Variants in DMD observed in about 807,000 individuals in gnomAD.
The protein encoded by DMD is dystrophin.
DMD carries 63 observed loss-of-function variants against 330.1 expected under a neutral mutation model. The ratio of observed to expected loss-of-function variants is 0.19; its 90% CI spans 0.16 to 0.24. The LOEUF (loss-of-function observed/expected upper bound fraction) is 0.24. Among genes scored for constraint, DMD ranks in the 10% least tolerant of loss-of-function variants. The probability of loss-of-function intolerance (pLI) is 1.00; values close to 1 mark genes in which losing one functional copy is unlikely to be tolerated. For synonymous variants in DMD, 1,223 were observed against 959.8 expected (o/e 1.27, Z -5.07); for missense variants, 3,344 against 2,684.1 (o/e 1.25, Z -5.43).
intron 11 of DMD, among the ~76,000 whole-genome samples, chrX:32,621,527 T>C (rs1295574643): frequency 1.8e-5 from 2 of 109,683 alleles, no homozygotes; most frequent in African/African-American, 3.3e-5. Flanking sequence ...TCTCATTATG[T>C]TGCCCAGGCT....
chrX:32,459,612 T>C (rs2098375917), intron 25 of DMD, among the ~76,000 whole-genome samples: 1 of 111,363 alleles, frequency 9.0e-6, no homozygotes, highest in Non-Finnish European at 1.9e-5. Flanking sequence ...AGCTATTCCA[T>C]TTTGTTCTTC....
At chrX:33,010,192 A>G (rs1202924714) in intron 2 of DMD, among the ~76,000 whole-genome samples, 3 of 106,242 alleles carry the variant, frequency 2.8e-5, no homozygotes, top group Non-Finnish European at 5.8e-5. Context: ...TTGTGTATGT[A>G]TATATGCATA....
rs1557061629 is a variant in DMD, at chrX:32,827,065, C to CACACACA, written c.265-3679_265-3678insTGTGTGT. 8.4e-3 allele frequency among the ~76,000 whole-genome samples: 579 copies of CACACACA among 68,969 alleles called. 11 individuals carry two copies. The highest frequency in any genetic ancestry group is 0.011 in the Non-Finnish European group (438 of 38,183). The allele number at this position is 68,969 out of a possible 115,157, so 59.9% of individuals were successfully genotyped here. A position where few individuals can be genotyped will look rare whatever the true frequency, so the allele number is the denominator to read the frequency against. The stretch of plus-strand genomic sequence containing the variant: ...TTGGAACACACATCGCACCCCCCCC[C>CACACACA]CACACACACACACACACAGCAGCAG... On this transcript the variant is annotated intron_variant, in intron 4 of 78. Coordinates refer to ENST00000357033, the MANE Select transcript of DMD (RefSeq NM_004006.3).
intron 67 of DMD, among the ~76,000 whole-genome samples, chrX:31,193,425 C>A (rs1024701715): frequency 2.7e-5 from 3 of 111,670 alleles, no homozygotes; most frequent in African/African-American, 9.8e-5. Context: ...CAGTGATATT[C>A]ATGAATAGAC....
intron 51 of DMD, among the ~76,000 whole-genome samples, chrX:31,763,952 T>A (rs143082351): frequency 0.017 from 1,876 of 111,599 alleles, 19 homozygotes; most frequent in Middle Eastern, 0.046. Context: ...CATAGCTCAC[T>A]GCAGCCTCGA....
Position 31,331,164 on chromosome X carries a change from C to T in DMD, c.9164-7506G>A, listed in dbSNP as rs190660771. On this transcript the variant is annotated intron_variant, in intron 61 of 78. Coordinates refer to ENST00000357033, the MANE Select transcript of DMD (RefSeq NM_004006.3). Reference sequence around the variant, plus strand: ...ACTAAAATTCCTAACGAATAACAACCTGTAAATATTATATGAGCTGTCAGA... The same window carrying T: ...ACTAAAATTCCTAACGAATAACAACTTGTAAATATTATATGAGCTGTCAGA... Among the ~76,000 whole-genome samples the T allele has an allele frequency of 1.6e-4, 18 of 111,519 alleles. No homozygotes were observed. The South Asian group carries it at 6.5e-3, about 40-fold the overall frequency.
At chrX:32,780,144 G>T (rs1464590991) in intron 7 of DMD, among the ~76,000 whole-genome samples, 1 of 111,372 alleles carries the variant, frequency 9.0e-6, no homozygotes, top group Admixed American at 9.5e-5. Context: ...GACAAAATAT[G>T]CCTTATGTTT....
chrX:32,306,656 C>A (rs1348111575), intron 42 of DMD, among the ~76,000 whole-genome samples: 1 of 110,427 alleles, frequency 9.1e-6, no homozygotes, highest in African/African-American at 3.3e-5. Context: ...TTGTTTCTCT[C>A]CTTATTTTAT....
At chrX:32,652,570 T>C (rs2146954431) in intron 9 of DMD, among the ~76,000 whole-genome samples, 1 of 110,736 alleles carries the variant, frequency 9.0e-6, no homozygotes, top group African/African-American at 3.3e-5. Flanking sequence ...AAGTCTTTGC[T>C]ATTGTGAATA....
intron 74 of DMD, among the ~76,000 whole-genome samples, chrX:31,168,639 C>A (rs758014041): frequency 1.6e-4 from 18 of 111,918 alleles, no homozygotes; most frequent in African/African-American, 5.5e-4. Flanking sequence ...TTAAGACCCA[C>A]AAATCTGAGC....
chrX:31,605,214 C>T (rs1248519571), intron 55 of DMD, among the ~76,000 whole-genome samples: 1 of 111,725 alleles, frequency 9.0e-6, no homozygotes, highest in East Asian at 2.8e-4. Context: ...TTCTGCTAGC[C>T]TTATGTCCTT....
intron 47 of DMD, among the ~76,000 whole-genome samples, chrX:31,904,267 T>A (rs2094454052): frequency 9.0e-6 from 1 of 111,580 alleles, no homozygotes; most frequent in Non-Finnish European, 1.9e-5. Context: ...AAAAATTAGG[T>A]TTGGAGAATC....
intron 60 of DMD, among the ~76,000 whole-genome samples, chrX:31,404,380 C>T (rs2061325228): frequency 9.0e-6 from 1 of 111,220 alleles, no homozygotes; most frequent in African/African-American, 3.3e-5. Context: ...TTTGTGTGGG[C>T]GCCTGCTGCA....
chrX:32,889,896 G>A (rs2085032244), intron 2 of DMD, among the ~76,000 whole-genome samples: 2 of 111,107 alleles, frequency 1.8e-5, no homozygotes, highest in Admixed American at 1.9e-4. Context: ...TGACAATCAG[G>A]TCCCCTCCAG....
intron 5 of DMD, among the ~76,000 whole-genome samples, chrX:32,818,364 G>A (rs1453799010): frequency 9.0e-6 from 1 of 111,055 alleles, no homozygotes; most frequent in Non-Finnish European, 1.9e-5. Context: ...CTACTTAGGT[G>A]CAAATGTTGC....
At chrX:32,646,085 A>G (rs1450902930) in intron 9 of DMD, among the ~76,000 whole-genome samples, 3 of 111,667 alleles carry the variant, frequency 2.7e-5, no homozygotes, top group Non-Finnish European at 5.6e-5. Context: ...GCGTGGCTCT[A>G]ACTTCTCCCC....
At position 32,009,069 on chromosome X, in the gene DMD, G is replaced by A. The variant is rs150437008; in HGVS notation, c.6439-40555C>T. ...AGTGAGAGATTGGTAATGGGGAGAT[G>A]GGAAGGAAGCTAATCCTATATTCAA... On this transcript the variant is annotated intron_variant, in intron 44 of 78. Transcript: ENST00000357033. 1.0e-3 allele frequency among the ~76,000 whole-genome samples: 112 copies of A among 111,095 alleles called. 1 individual carries two copies. Among genetic ancestry groups the A allele is most frequent in the African/African-American group, 3.4e-3 (104 of 30,605 alleles).
At chrX:32,083,418 C>T (rs1051460934) in intron 44 of DMD, among the ~76,000 whole-genome samples, 1 of 109,872 alleles carries the variant, frequency 9.1e-6, no homozygotes, top group Non-Finnish European at 1.9e-5. Context: ...CCACTACGCC[C>T]GGCTGATTTT....
chrX:32,295,059 A>G (rs1257698978), intron 42 of DMD, among the ~76,000 whole-genome samples: 1 of 111,695 alleles, frequency 9.0e-6, no homozygotes, highest in East Asian at 2.8e-4. Context: ...ATAAAGTACC[A>G]ACTTTTTAGT....
Sources: allele counts gnomAD v4.1 joint callset (sites outside exome capture counted in the v4.1 genomes callset), GRCh38; gene constraint gnomAD v4.1.1; transcripts MANE v1.5; gene names NCBI Gene and HGNC (gene_info 2026-07-23, HGNC 2026-07-21).